MLIP: variants seen among roughly 807,000 people sequenced by gnomAD.
MLIP encodes the protein muscular LMNA-interacting protein.
MLIP carries 79 observed loss-of-function variants against 84.8 expected under a neutral mutation model. The observed-to-expected ratio is 0.93, with a 90% CI of 0.78 to 1.12. The LOEUF is 1.12. Ranked by LOEUF, MLIP falls within the 50% of genes most tolerant of loss-of-function variation. The probability of loss-of-function intolerance (pLI) is 0.00; values close to 1 mark genes in which losing one functional copy is unlikely to be tolerated. For missense variants in MLIP, 1,257 were observed against 1,160.6 expected (o/e 1.08, Z -1.21); for synonymous variants, 504 against 463.0 (o/e 1.09, Z -1.14).
intron 5 of MLIP, among the ~76,000 whole-genome samples, chr6:54,156,685 A>G (rs906955198): frequency 9.2e-5 from 14 of 152,048 alleles, no homozygotes; most frequent in Admixed American, 2.0e-4. Context: ...TATTACTTCT[A>G]TGATTCATTT....
chr6:54,153,807 G>A (rs896683923), intron 5 of MLIP, among the ~76,000 whole-genome samples: 15 of 143,754 alleles, frequency 1.0e-4, no homozygotes, highest in Non-Finnish European at 1.3e-4. Context: ...AGCCGAGATC[G>A]CGCCACTGCA....
chr6:54,217,825 A>T, intron 11 of MLIP: 1 of 985,228 alleles, frequency 1.0e-6, no homozygotes, highest in Non-Finnish European at 1.2e-6. Flanking sequence ...AAAAACTAAA[A>T]CATTAAAAGA....
At chr6:54,241,740 A>G (rs879884736) in intron 12 of MLIP, among the ~76,000 whole-genome samples, 1 of 152,136 alleles carries the variant, frequency 6.6e-6, no homozygotes, top group Non-Finnish European at 1.5e-5. Flanking sequence ...ATATTTACTG[A>G]TCTTTTTTCT....
At chr6:54,088,793 T>C (rs1235356532) in intron 1 of MLIP, among the ~76,000 whole-genome samples, 1 of 152,186 alleles carries the variant, frequency 6.6e-6, no homozygotes, top group South Asian at 2.1e-4. Context: ...TCTATTTAGG[T>C]GCATGTGTCA....
chr6:54,245,462 G>C (rs747252116), intron 12 of MLIP, among the ~76,000 whole-genome samples: 2 of 152,186 alleles, frequency 1.3e-5, no homozygotes, highest in African/African-American at 4.8e-5. Context: ...GGATGAGAGA[G>C]AGTCGAGTAA....
In MLIP at chr6:54,228,654, C is replaced by T. The variant is rs143915246; in HGVS notation, c.2719-2060C>T. Among the ~76,000 whole-genome samples the T allele has an allele frequency of 9.8e-4, 150 of 152,300 alleles. 1 individual carries two copies. The highest frequency in any genetic ancestry group is 3.4e-3 in the African/African-American group (142 of 41,556). On this transcript the variant is annotated intron_variant, in intron 11 of 13. Coordinates refer to ENST00000502396, the MANE Select transcript of MLIP (RefSeq NM_001281747.2). ...CTCTTGATTGGATAGAACTTGATTC[C>T]GCCAGATAAGCGCATTTGGTGAATT...
At chr6:54,113,139 T>A (rs1032564410) in intron 1 of MLIP, among the ~76,000 whole-genome samples, 2 of 152,192 alleles carry the variant, frequency 1.3e-5, no homozygotes, top group Admixed American at 6.5e-5. Flanking sequence ...TATTATTTTT[T>A]AAATTTTATT....
chr6:54,206,618 G>A (rs1401025824), intron 11 of MLIP, among the ~76,000 whole-genome samples: 2 of 151,892 alleles, frequency 1.3e-5, no homozygotes, highest in Admixed American at 6.6e-5. Flanking sequence ...TTTCATTCCC[G>A]CTTTTCTTCT....
At chr6:54,262,877 C>A (rs897769104) in intron 13 of MLIP, among the ~76,000 whole-genome samples, 1 of 152,048 alleles carries the variant, frequency 6.6e-6, no homozygotes, top group African/African-American at 2.4e-5. Flanking sequence ...TGTTCTTACA[C>A]TTGGTTGGCA....
chr6:54,157,354 C>T (rs576268542), intron 5 of MLIP, among the ~76,000 whole-genome samples: 23 of 152,168 alleles, frequency 1.5e-4, no homozygotes, highest in African/African-American at 5.3e-4. Context: ...TGCAAGTTCC[C>T]CTCTTCACTC....
At chr6:54,144,192 G>C (rs1772579920) in intron 4 of MLIP, among the ~76,000 whole-genome samples, 1 of 152,162 alleles carries the variant, frequency 6.6e-6, no homozygotes, top group African/African-American at 2.4e-5. Context: ...GCTTGGTTGA[G>C]CTTTCATCTC....
chr6:54,206,762 C>T (rs533387231), intron 11 of MLIP, among the ~76,000 whole-genome samples: 6 of 152,212 alleles, frequency 3.9e-5, no homozygotes, highest in African/African-American at 1.4e-4. Flanking sequence ...TCAACTGTGA[C>T]CTTCAACTTC....
chr6:54,103,571 C>T (rs971318235), intron 1 of MLIP, among the ~76,000 whole-genome samples: 8 of 152,178 alleles, frequency 5.3e-5, no homozygotes, highest in Non-Finnish European at 1.0e-4. Context: ...GTATTGCACA[C>T]ACAATTTGTT....
intron 8 of MLIP, among the ~76,000 whole-genome samples, chr6:54,168,802 A>G (rs953894271): frequency 1.3e-5 from 2 of 151,360 alleles, no homozygotes; most frequent in African/African-American, 4.8e-5. Flanking sequence ...TTTGCTTCTC[A>G]GATACAAGTA....
chr6:54,155,389 A>G (rs989154925), intron 5 of MLIP, among the ~76,000 whole-genome samples: 2 of 152,172 alleles, frequency 1.3e-5, no homozygotes, highest in Admixed American at 1.3e-4. Flanking sequence ...AACAAAGTAT[A>G]GGAGAATTTA....
chr6:54,080,791 A>G (rs1376810270), intron 1 of MLIP, among the ~76,000 whole-genome samples: 1 of 149,818 alleles, frequency 6.7e-6, no homozygotes, highest in Non-Finnish European at 1.5e-5. Context: ...ATATGTATAT[A>G]CATATATATA....
chr6:54,231,022 A>C (rs1780965232), intron 12 of MLIP, 105 bp downstream of exon 12: 1 of 809,622 alleles, frequency 1.2e-6, no homozygotes, highest in East Asian at 2.7e-5. Flanking sequence ...GGAATATTTA[A>C]ATATTAAATA....
At chr6:54,138,528 C>G (rs1772027608) in intron 4 of MLIP, among the ~76,000 whole-genome samples, 1 of 152,114 alleles carries the variant, frequency 6.6e-6, no homozygotes, top group Admixed American at 6.6e-5. Flanking sequence ...TTCCTAACTT[C>G]TTATATCTAT....
At chr6:54,096,084 G>A (rs1218873899) in intron 1 of MLIP, among the ~76,000 whole-genome samples, 3 of 152,098 alleles carry the variant, frequency 2.0e-5, no homozygotes, top group Admixed American at 2.0e-4. Context: ...GGAAGCAGAA[G>A]GGAAATGTTT....
Sources: allele counts gnomAD v4.1 joint callset (sites outside exome capture counted in the v4.1 genomes callset), GRCh38; gene constraint gnomAD v4.1.1; transcripts MANE v1.5; gene names NCBI Gene and HGNC (gene_info 2026-07-23, HGNC 2026-07-21).